The following EML4 variants were observed in gnomAD, a reference collection of about 807,000 sequenced individuals.
The protein encoded by EML4 is echinoderm microtubule-associated protein-like 4.
In EML4, 72 loss-of-function variants were observed where a neutral mutation model predicts 129.0. That is an observed-to-expected ratio of 0.56 (90% CI 0.46 to 0.68). The LOEUF is 0.68. EML4 is among the 30% of genes least tolerant of loss of function. The pLI is 0.00. For synonymous variants in EML4, 532 were observed against 405.0 expected, an observed-to-expected ratio of 1.31 and a Z score of -3.77; for missense variants, 1,363 against 1,190.6, an observed-to-expected ratio of 1.14 and a Z score of -2.13.
At chr2:42,227,280 T>C (rs1424850913) in intron 1 of EML4, among the ~76,000 whole-genome samples, 1 of 151,730 alleles carries the variant, frequency 6.6e-6, no homozygotes, top group Non-Finnish European at 1.5e-5. Flanking sequence ...ATACACCTGG[T>C]TTTTTTTAAT....
chr2:42,247,734 ATTTTG>A (rs1675505428), intron 2 of EML4, among the ~76,000 whole-genome samples: 1 of 152,028 alleles, frequency 6.6e-6, no homozygotes, highest in Admixed American at 6.6e-5. Context: ...CCAGAAAACA[ATTTTG>A]TTTGGTTATG....
chr2:42,271,613 G>A (rs763839892), intron 6 of EML4, among the ~76,000 whole-genome samples: 5 of 152,136 alleles, frequency 3.3e-5, no homozygotes, highest in Non-Finnish European at 7.3e-5. Flanking sequence ...TGGACATCAA[G>A]TATATGACTT....
intron 6 of EML4, among the ~76,000 whole-genome samples, chr2:42,271,608 ATC>A (rs1666372692): frequency 6.6e-6 from 1 of 152,200 alleles, no homozygotes; most frequent in South Asian, 2.1e-4. Context: ...TTCTCTGGAC[ATC>A]AAGTATATGA....
chr2:42,214,776 T>A (rs1199118677), intron 1 of EML4, among the ~76,000 whole-genome samples: 1 of 152,194 alleles, frequency 6.6e-6, no homozygotes, highest in Non-Finnish European at 1.5e-5. Context: ...CAAGTATGTA[T>A]CTGTGGCCTC....
intron 19 of EML4, 113 bp from the exon 20 acceptor site, chr2:42,325,354 C>T (rs1669729960): frequency 1.7e-6 from 1 of 605,048 alleles, no homozygotes; most frequent in Non-Finnish European, 3.2e-6. Context: ...ACTGCTTCCT[C>T]TCCTTTAGAA....
At chr2:42,316,437 A>G (rs6752455) in intron 18 of EML4, among the ~76,000 whole-genome samples, 1 of 152,148 alleles carries the variant, frequency 6.6e-6, no homozygotes, top group African/African-American at 2.4e-5. Context: ...GAAATTCAAA[A>G]TACGCAAATT....
chr2:42,178,003 G>C (rs1358114810), intron 1 of EML4, among the ~76,000 whole-genome samples: 2 of 152,160 alleles, frequency 1.3e-5, no homozygotes, highest in East Asian at 3.8e-4. Context: ...GAGAGAATAG[G>C]TGGAAAGGTT....
chr2:42,325,518 A>G lies in EML4; in HGVS notation c.2206A>G (p.Ile736Val), dbSNP rs538096882. The G allele has an allele frequency of 3.2e-5, 50 of 1,572,496 alleles. No homozygotes were observed. The highest frequency in any genetic ancestry group is 4.3e-5 in the Non-Finnish European group (50 of 1,150,218). Residue 736 changes from isoleucine to valine, a missense_variant, in exon 20 of 23, where the codon ATA becomes GTA. Coordinates refer to ENST00000318522, the MANE Select transcript of EML4 (RefSeq NM_019063.5). ...TGACTGGTCCCCAGACAACAAGTAT[A>G]TAATGTCTAACTCGGGAGACTATGA... ...HLDWSPDNKYIMSNSGDYEIL... is the reference protein window; with the variant it reads ...HLDWSPDNKYVMSNSGDYEIL...
chr2:42,327,140 T>A (rs779046913), intron 21 of EML4, among the ~76,000 whole-genome samples: 11 of 152,200 alleles, frequency 7.2e-5, no homozygotes, highest in Non-Finnish European at 1.6e-4. Flanking sequence ...AGCATAACGT[T>A]TTCAAGGTTT....
chr2:42,232,168 C>T (rs938543482), intron 1 of EML4, among the ~76,000 whole-genome samples: 1 of 151,998 alleles, frequency 6.6e-6, no homozygotes, highest in African/African-American at 2.4e-5. Flanking sequence ...AGCTTTTTCC[C>T]TGAAATTAGA....
rs1021650071 is a variant in EML4 at position 42,229,135 on chromosome 2, G to A, written c.26-16370G>A. Among the ~76,000 whole-genome samples, 13 of 152,190 alleles carry A rather than the reference G, an allele frequency of 8.5e-5. No individual in the cohort carries two copies. The South Asian group carries it at 2.3e-3, about 27-fold the overall frequency. On this transcript the variant is annotated intron_variant, in intron 1 of 22. Coordinates refer to ENST00000318522, the MANE Select transcript of EML4 (RefSeq NM_019063.5). ...AAGGATTAAGGTGATCTAGGTGTGG[G>A]TTTAGCAGACCTTTGTATTGGAATC...
intron 6 of EML4, among the ~76,000 whole-genome samples, chr2:42,274,714 G>C (rs1183046323): frequency 6.6e-6 from 1 of 152,176 alleles, no homozygotes; most frequent in South Asian, 2.1e-4. Context: ...CCAAAAGAAT[G>C]AGAGTTTTGA....
chr2:42,249,254 G>C (rs1177966752), intron 2 of EML4, among the ~76,000 whole-genome samples: 2 of 150,892 alleles, frequency 1.3e-5, no homozygotes, highest in African/African-American at 4.9e-5. Flanking sequence ...TAATTAAAAA[G>C]TAAAGTCATT....
At chr2:42,178,282 C>G (rs1451567503) in intron 1 of EML4, among the ~76,000 whole-genome samples, 1 of 152,084 alleles carries the variant, frequency 6.6e-6, no homozygotes, top group Non-Finnish European at 1.5e-5. Flanking sequence ...ATAGCTCACA[C>G]CTATAATCCT....
intron 1 of EML4, among the ~76,000 whole-genome samples, chr2:42,188,135 G>A (rs1671370105): frequency 6.6e-6 from 1 of 152,110 alleles, no homozygotes; most frequent in South Asian, 2.1e-4. Flanking sequence ...AAAATCAACA[G>A]ACCACATATG....
At chr2:42,188,597 G>C (rs1049641257) in intron 1 of EML4, among the ~76,000 whole-genome samples, 23 of 151,968 alleles carry the variant, frequency 1.5e-4, no homozygotes, top group Admixed American at 6.6e-5. Context: ...CCAGGCTGGA[G>C]TGCAGTGGTG....
At chr2:42,269,627 C>G (rs1666258327) in intron 6 of EML4, among the ~76,000 whole-genome samples, 1 of 151,808 alleles carries the variant, frequency 6.6e-6, no homozygotes, top group South Asian at 2.1e-4. Flanking sequence ...GATATGGTGA[C>G]CTGAAGGAAG....
intron 12 of EML4, 34 bp from the exon 13 acceptor site, chr2:42,295,347 A>G (rs763294141): frequency 1.9e-6 from 3 of 1,606,264 alleles, no homozygotes; most frequent in African/African-American, 1.3e-5. Context: ...TCATGGCAAA[A>G]AGAAAACTGA....
chr2:42,264,859 A>G lies in EML4; in HGVS notation c.667+128A>G, dbSNP rs1187597094. 2.7e-6 allele frequency: 4 copies of G among 1,496,362 alleles called. No individual in the cohort carries two copies. The East Asian group carries it at 9.8e-5, about 37-fold the overall frequency. 92.7% of individuals were successfully genotyped at this position (1,496,362 alleles called of 1,614,324 possible). On this transcript the variant is annotated intron_variant, in intron 6 of 22. Coordinates refer to ENST00000318522, the MANE Select transcript of EML4 (RefSeq NM_019063.5). ...TAATCAAAGAAAAGTGCGTTACTGT[A>G]GTCATTTAGGAAAAAACCCAGTTTT...
Sources: allele counts gnomAD v4.1 joint callset (sites outside exome capture counted in the v4.1 genomes callset), GRCh38; gene constraint gnomAD v4.1.1; transcripts MANE v1.5; gene names NCBI Gene and HGNC (gene_info 2026-07-23, HGNC 2026-07-21).